The following SFMBT1 variants were observed in gnomAD, a reference collection of about 807,000 sequenced individuals.
SFMBT1 encodes the protein scm-like with four MBT domains protein 1.
Under a neutral mutation model 108.7 loss-of-function variants are expected in SFMBT1, and 32 were observed. That is an observed-to-expected ratio of 0.29 (90% confidence interval 0.22 to 0.40). The LOEUF is 0.40. SFMBT1 is among the 10% of genes least tolerant of loss of function. SFMBT1 has a pLI of 1.00. For synonymous variants in SFMBT1, 348 were observed against 369.5 expected, an observed-to-expected ratio of 0.94 and a Z score of 0.67; for missense variants, 816 against 1,059.6, an observed-to-expected ratio of 0.77 and a Z score of 3.19.
rs185647891 is a variant in SFMBT1, at chr3:52,914,730, C to T, written c.1481-1113G>A. Among the ~76,000 whole-genome samples, 917 of 152,200 alleles carry T rather than the reference C, an allele frequency of 6.0e-3. 80 individuals are homozygous for T. The South Asian group carries it at 0.17, about 28-fold the overall frequency. On this transcript the variant is annotated intron_variant, in intron 14 of 20. Transcript: ENST00000394752. ...CTGCACTCCAGCCTGGATGACACAGCGAGACCCTGTCTCAAAACAAAACAA... is the reference window on the plus strand; with the variant it reads ...CTGCACTCCAGCCTGGATGACACAGTGAGACCCTGTCTCAAAACAAAACAA...
At position 52,916,141 on chromosome 3, in the gene SFMBT1, T is replaced by G; in HGVS notation, c.1480+9A>C. On this transcript the variant is annotated intron_variant, in intron 14 of 20. Transcript: ENST00000394752. ...GTCTTCTTTTCCTTAAGATGACATG[T>G]GCTTATACCTGACTCTGTGGAGTTC... 1 of 1,611,622 alleles carries G rather than the reference T, an allele frequency of 6.2e-7. No individual in the cohort carries two copies.
intron 3 of SFMBT1, among the ~76,000 whole-genome samples, chr3:52,948,846 T>TTTTTTTTTG (rs1559522507): frequency 1.4e-5 from 2 of 143,332 alleles, no homozygotes; most frequent in Non-Finnish European, 3.0e-5. Flanking sequence ...TTTTTTTTTT[T>TTTTTTTTTG]GTAGAAAAGG....
rs562836532 is a variant in SFMBT1, at chr3:52,989,710, C to T, written c.-130-20452G>A. On this transcript the variant is annotated intron_variant, in intron 1 of 20. Coordinates refer to ENST00000394752, the MANE Select transcript of SFMBT1 (RefSeq NM_016329.4). ...GCTACTTGGGAGGCTGGGAGAATTGCTTGAACCTGGGAGACAGAGGGTGCA... is the reference window on the plus strand; with the variant it reads ...GCTACTTGGGAGGCTGGGAGAATTGTTTGAACCTGGGAGACAGAGGGTGCA... Among the ~76,000 whole-genome samples the T allele has an allele frequency of 8.6e-5, 13 of 151,358 alleles. No individual in the cohort carries two copies. The South Asian group carries it at 1.0e-3, about 12-fold the overall frequency.
intron 1 of SFMBT1, among the ~76,000 whole-genome samples, chr3:53,033,429 G>A (rs1232067311): frequency 6.6e-6 from 1 of 152,102 alleles, no homozygotes; most frequent in Non-Finnish European, 1.5e-5. Flanking sequence ...CCAAAGTGCT[G>A]GGACTGCAGG....
At position 52,936,898 on chromosome 3, in the gene SFMBT1, T is replaced by C. The variant is rs1181035639; in HGVS notation, c.365-1997A>G. On this transcript the variant is annotated intron_variant, in intron 4 of 20. Transcript: ENST00000394752. ...TAGTTCTCAATTACACATTTCTTTT[T>C]TTTTTTTTTTTTTGAGACAGAGTCT... 2.0e-5 allele frequency among the ~76,000 whole-genome samples: 3 copies of C among 149,838 alleles called. No individual in the cohort carries two copies. The East Asian group carries it at 5.9e-4, about 29-fold the overall frequency.
chr3:53,019,905 T>C (rs1699247855), intron 1 of SFMBT1, among the ~76,000 whole-genome samples: 1 of 152,162 alleles, frequency 6.6e-6, no homozygotes, highest in Non-Finnish European at 1.5e-5. Flanking sequence ...GTGTCCCCAC[T>C]TACCACTTCG....
Position 53,041,409 on chromosome 3 carries a change from C to A in SFMBT1, c.-131+4407G>T, listed in dbSNP as rs74357297. On this transcript the variant is annotated intron_variant, in intron 1 of 20. Transcript: ENST00000394752. ...TGACCACATTCTTTCTATTTTAAAT[C>A]ATTTTCCGCGAGGCGCGGGGGCTCA... Among the ~76,000 whole-genome samples, 1,295 of 152,138 alleles carry A rather than the reference C, an allele frequency of 8.5e-3. 17 individuals are homozygous for A. The highest frequency in any genetic ancestry group is 0.029 in the African/African-American group (1,223 of 41,526).
chr3:53,007,821 T>C (rs1698799007), intron 1 of SFMBT1, among the ~76,000 whole-genome samples: 1 of 152,212 alleles, frequency 6.6e-6, no homozygotes, highest in South Asian at 2.1e-4. Context: ...TGAAATTGTA[T>C]GTCACCTACT....
intron 13 of SFMBT1, among the ~76,000 whole-genome samples, chr3:52,917,361 T>C (rs958300964): frequency 6.6e-6 from 1 of 151,770 alleles, no homozygotes; most frequent in African/African-American, 2.4e-5. Context: ...TATAATCCAA[T>C]AGCATTGATA....
At chr3:52,959,201 T>C (rs934497723) in intron 2 of SFMBT1, among the ~76,000 whole-genome samples, 8 of 152,148 alleles carry the variant, frequency 5.3e-5, no homozygotes, top group African/African-American at 1.9e-4. Context: ...GATGAGTTGA[T>C]AGGTGCAGCA....
chr3:53,041,033 G>A (rs1194070177), intron 1 of SFMBT1, among the ~76,000 whole-genome samples: 1 of 120,252 alleles, frequency 8.3e-6, no homozygotes, highest in Non-Finnish European at 1.6e-5. Context: ...ATGTTGTCCA[G>A]GCTGGTATCA....
chr3:52,906,759 T>C (rs1237366763), intron 19 of SFMBT1, among the ~76,000 whole-genome samples: 2 of 152,166 alleles, frequency 1.3e-5, no homozygotes, highest in Non-Finnish European at 2.9e-5. Context: ...TTATGAAACA[T>C]ATTAAAAAGG....
intron 1 of SFMBT1, among the ~76,000 whole-genome samples, chr3:53,009,494 G>A (rs2106925994): frequency 6.6e-6 from 1 of 152,258 alleles, no homozygotes; most frequent in Admixed American, 6.5e-5. Context: ...TTAATCTGCT[G>A]AGAATACAGG....
chr3:52,930,454 G>T (rs1383249862), intron 7 of SFMBT1, 24 bp from the exon 8 acceptor site: 7 of 1,307,598 alleles, frequency 5.4e-6, no homozygotes, highest in Non-Finnish European at 7.8e-6. Flanking sequence ...ACCAAAAGGG[G>T]ATGAAAACAT....
chr3:52,976,062 A>C (rs1432355785), intron 1 of SFMBT1, among the ~76,000 whole-genome samples: 2 of 152,110 alleles, frequency 1.3e-5, no homozygotes. Flanking sequence ...AAAATGGACA[A>C]TCCAGCTACA....
At chr3:52,982,427 G>A (rs1010217406) in intron 1 of SFMBT1, among the ~76,000 whole-genome samples, 1 of 152,126 alleles carries the variant, frequency 6.6e-6, no homozygotes, top group African/African-American at 2.4e-5. Context: ...CGGAGGTGAA[G>A]GGTTAAGATA....
At chr3:52,965,167 T>G (rs1704090233) in intron 2 of SFMBT1, among the ~76,000 whole-genome samples, 1 of 151,346 alleles carries the variant, frequency 6.6e-6, no homozygotes, top group African/African-American at 2.4e-5. Context: ...CTTCTCCAGC[T>G]CAAAAATAAA....
At chr3:52,954,126 A>AAAAAAAAT (rs1025018425) in intron 3 of SFMBT1, among the ~76,000 whole-genome samples, 191 bp downstream of exon 3, 1 of 152,004 alleles carries the variant, frequency 6.6e-6, no homozygotes, top group Non-Finnish European at 1.5e-5. Context: ...CTCCATCTCA[A>AAAAAAAAT]AAAAAAATAA....
At chr3:53,012,057 T>C (rs1174589268) in intron 1 of SFMBT1, among the ~76,000 whole-genome samples, 1 of 152,222 alleles carries the variant, frequency 6.6e-6, no homozygotes, top group Non-Finnish European at 1.5e-5. Flanking sequence ...AGCCACTTTG[T>C]ATAAATTAAA....
Sources: allele counts gnomAD v4.1 joint callset (sites outside exome capture counted in the v4.1 genomes callset), GRCh38; gene constraint gnomAD v4.1.1; transcripts MANE v1.5; gene names NCBI Gene and HGNC (gene_info 2026-07-23, HGNC 2026-07-21).